The following BRINP2 variants were observed in gnomAD, a reference collection of about 807,000 sequenced individuals.
BRINP2 encodes BMP/retinoic acid inducible neural specific 2.
Under a neutral mutation model 69.2 loss-of-function variants are expected in BRINP2, and 21 were observed. The ratio of observed to expected loss-of-function variants is 0.30; its 90% CI spans 0.22 to 0.44. BRINP2 has a LOEUF of 0.44. BRINP2 is among the 20% of genes least tolerant of loss of function. BRINP2 has a pLI of 1.00. For synonymous variants in BRINP2, 380 were observed against 394.1 expected (o/e 0.96, Z 0.42); for missense variants, 877 against 986.0 (o/e 0.89, Z 1.48).
chr1:177,230,955 C>T (rs1190936336), intron 2 of BRINP2, among the ~76,000 whole-genome samples: 1 of 152,090 alleles, frequency 6.6e-6, no homozygotes, highest in Non-Finnish European at 1.5e-5. Context: ...GATTTTGTTT[C>T]TTTGTTCAAA....
intron 1 of BRINP2, among the ~76,000 whole-genome samples, chr1:177,227,717 A>G (rs1649739603): frequency 6.6e-6 from 1 of 152,062 alleles, no homozygotes. Context: ...AACTGGAACT[A>G]ATTTTCCAAT....
chr1:177,256,986 C>A, intron 3 of BRINP2, 190 bp from the exon 4 acceptor site: 1 of 1,484,956 alleles, frequency 6.7e-7, no homozygotes. Context: ...TTTCAGGCAG[C>A]GAGGCCGCTG....
At chr1:177,245,165 G>C (rs1282132099) in intron 2 of BRINP2, among the ~76,000 whole-genome samples, 2 of 152,104 alleles carry the variant, frequency 1.3e-5, no homozygotes, top group African/African-American at 4.8e-5. Context: ...TGGTCATAGT[G>C]ATGGTGATAA....
intron 1 of BRINP2, among the ~76,000 whole-genome samples, chr1:177,211,569 G>T (rs1649222938): frequency 1.3e-5 from 2 of 152,192 alleles, no homozygotes; most frequent in Middle Eastern, 6.8e-3. Context: ...CCTTAATTTA[G>T]ATTTGTCTGT....
At chr1:177,227,277 G>T (rs775894313) in intron 1 of BRINP2, among the ~76,000 whole-genome samples, 1 of 152,132 alleles carries the variant, frequency 6.6e-6, no homozygotes, top group Non-Finnish European at 1.5e-5. Flanking sequence ...TGGCTGCCTT[G>T]GCCTCCAGTA....
intron 1 of BRINP2, among the ~76,000 whole-genome samples, chr1:177,190,082 C>T (rs559298357): frequency 7.6e-4 from 116 of 152,260 alleles, no homozygotes; most frequent in Non-Finnish European, 1.4e-3. Flanking sequence ...ATTCAAGCTT[C>T]CTCAGAATAC....
intron 4 of BRINP2, among the ~76,000 whole-genome samples, chr1:177,272,570 G>T (rs963106197): frequency 1.3e-5 from 2 of 152,222 alleles, no homozygotes; most frequent in Admixed American, 1.3e-4. Flanking sequence ...TGCAACTCCT[G>T]TGCCTGCTGC....
chr1:177,230,173 G>T (rs562095758), intron 2 of BRINP2, 28 bp downstream of exon 2: 3 of 1,567,328 alleles, frequency 1.9e-6, no homozygotes, highest in Non-Finnish European at 2.6e-6. Context: ...CTGAGACAGG[G>T]GCTTCCCTAA....
At chr1:177,203,583 A>G (rs1648985277) in intron 1 of BRINP2, among the ~76,000 whole-genome samples, 1 of 152,086 alleles carries the variant, frequency 6.6e-6, no homozygotes, top group South Asian at 2.1e-4. Flanking sequence ...AAAAAAAAAG[A>G]CCCACTGGGA....
chr1:177,256,646 T>C, intron 3 of BRINP2: 3 of 1,033,546 alleles, frequency 2.9e-6, no homozygotes, highest in Non-Finnish European at 3.5e-6. Flanking sequence ...TCTCTGAAGA[T>C]GCAGAGCTCC....
chr1:177,240,791 G>A (rs1403183912), intron 2 of BRINP2, among the ~76,000 whole-genome samples: 1 of 152,178 alleles, frequency 6.6e-6, no homozygotes, highest in Non-Finnish European at 1.5e-5. Flanking sequence ...GGGTGTGGAA[G>A]GAAGCTTGAC....
intron 4 of BRINP2, among the ~76,000 whole-genome samples, chr1:177,261,759 A>G (rs1392084553): frequency 1.3e-5 from 2 of 152,200 alleles, no homozygotes; most frequent in Non-Finnish European, 2.9e-5. Flanking sequence ...CAACTAGGAA[A>G]GTGGCCCTAG....
At chr1:177,219,024 T>C (rs1649451540) in intron 1 of BRINP2, among the ~76,000 whole-genome samples, 1 of 152,172 alleles carries the variant, frequency 6.6e-6, no homozygotes, top group Non-Finnish European at 1.5e-5. Context: ...AAAATCAATC[T>C]AAAGGAAGGA....
chr1:177,190,394 C>T (rs542958551), intron 1 of BRINP2, among the ~76,000 whole-genome samples: 16 of 152,340 alleles, frequency 1.1e-4, no homozygotes, highest in Non-Finnish European at 1.6e-4. Flanking sequence ...ATCTTTCTCT[C>T]TTCCACATAT....
At chr1:177,217,983 T>C (rs1327815490) in intron 1 of BRINP2, among the ~76,000 whole-genome samples, 1 of 152,206 alleles carries the variant, frequency 6.6e-6, no homozygotes, top group Non-Finnish European at 1.5e-5. Context: ...TAGGTTGGGA[T>C]GAATGGACTA....
At chr1:177,260,665 C>T (rs1468291756) in intron 4 of BRINP2, among the ~76,000 whole-genome samples, 1 of 152,142 alleles carries the variant, frequency 6.6e-6, no homozygotes, top group Non-Finnish European at 1.5e-5. Context: ...GCAGGACACT[C>T]CACCAGCAAA....
At chr1:177,268,814 A>G (rs1651210884) in intron 4 of BRINP2, among the ~76,000 whole-genome samples, 2 of 152,134 alleles carry the variant, frequency 1.3e-5, no homozygotes, top group African/African-American at 4.8e-5. Context: ...AATACTTGAG[A>G]GGTGAAGGCA....
intron 1 of BRINP2, among the ~76,000 whole-genome samples, chr1:177,212,544 CAA>C (rs56173149): frequency 2.5e-5 from 3 of 122,346 alleles, no homozygotes; most frequent in Admixed American, 8.3e-5. Context: ...GACTCTGTCT[CAA>C]AAAAAAAAAA....
intron 1 of BRINP2, among the ~76,000 whole-genome samples, chr1:177,199,867 T>C (rs1471084536): frequency 6.6e-6 from 1 of 152,182 alleles, no homozygotes; most frequent in Non-Finnish European, 1.5e-5. Flanking sequence ...GTGCAAAATA[T>C]GTAGAGAATC....
Sources: gnomAD v4.1 joint callset for allele counts (sites outside exome capture counted in the v4.1 genomes callset) on GRCh38, gnomAD v4.1.1 for gene constraint, MANE v1.5 for transcripts, NCBI Gene and HGNC (gene_info 2026-07-23, HGNC 2026-07-21) for gene names.